Variants in RALA observed in about 807,000 individuals in gnomAD.
RALA encodes ras-related protein Ral-A.
In RALA, 5 loss-of-function variants were observed where a neutral mutation model predicts 24.0. The ratio of observed to expected loss-of-function variants is 0.21; its 90% CI spans 0.11 to 0.44. The LOEUF is 0.44. Among genes scored for constraint, RALA ranks in the 20% least tolerant of loss-of-function variants. The probability of loss-of-function intolerance (pLI) is 0.99; values close to 1 mark genes in which losing one functional copy is unlikely to be tolerated. For missense variants in RALA, 95 were observed against 241.2 expected (o/e 0.39, Z 4.01); for synonymous variants, 77 against 83.8 (o/e 0.92, Z 0.44).
Position 39,666,249 on chromosome 7 carries a change from G to C in RALA, c.-37-20382G>C, listed in dbSNP as rs114512523. Among the ~76,000 whole-genome samples, 1,180 of 152,216 alleles carry C rather than the reference G, an allele frequency of 7.8e-3. 21 individuals carry two copies. The highest frequency in any genetic ancestry group is 0.027 in the African/African-American group (1,121 of 41,528). On this transcript the variant is annotated intron_variant, in intron 1 of 4. Coordinates refer to ENST00000005257, the MANE Select transcript of RALA (RefSeq NM_005402.4). ...TACTGGGTGTCAGGGCCACAAAGGTGACATTTTCTGACTTTACTCTCTAAG... is the reference window on the plus strand; with the variant it reads ...TACTGGGTGTCAGGGCCACAAAGGTCACATTTTCTGACTTTACTCTCTAAG...
chr7:39,631,637 T>C (rs1191955991), intron 1 of RALA, among the ~76,000 whole-genome samples: 1 of 152,272 alleles, frequency 6.6e-6, no homozygotes, highest in African/African-American at 2.4e-5. Flanking sequence ...GTTTTCTTCA[T>C]ACAAGTTTTC....
At chr7:39,688,336 G>A (rs550077495) in intron 2 of RALA, among the ~76,000 whole-genome samples, 15 of 151,864 alleles carry the variant, frequency 9.9e-5, no homozygotes, top group Admixed American at 2.6e-4. Flanking sequence ...GGAGGTCACA[G>A]TGAGCAATGA....
intron 1 of RALA, among the ~76,000 whole-genome samples, chr7:39,644,959 G>A (rs528101394): frequency 6.6e-6 from 1 of 152,242 alleles, no homozygotes; most frequent in South Asian, 2.1e-4. Flanking sequence ...ATTTAATCAC[G>A]TGACAGATTT....
At chr7:39,624,679 A>G (rs1056955812) in intron 1 of RALA, among the ~76,000 whole-genome samples, 4 of 152,176 alleles carry the variant, frequency 2.6e-5, no homozygotes, top group African/African-American at 4.8e-5. Context: ...AGCTCATCCA[A>G]GTGTGGCTGA....
chr7:39,661,316 C>T (rs1341875881), intron 1 of RALA, among the ~76,000 whole-genome samples: 3 of 152,212 alleles, frequency 2.0e-5, no homozygotes, highest in African/African-American at 7.2e-5. Context: ...CCAATCATGC[C>T]TTCCCAACAG....
rs528273052 is a variant in RALA at position 39,630,446 on chromosome 7, T to TAA, written c.-38+6622_-38+6623insAA. ...GAATATTAACCGTTTAATTTTGACA[T>TAA]ATGTTGCAGATATTTTTGCTAGTCG... On this transcript the variant is annotated intron_variant, in intron 1 of 4. Transcript: ENST00000005257. Among the ~76,000 whole-genome samples the TAA allele has an allele frequency of 8.5e-5, 13 of 152,312 alleles. No individual in the cohort carries two copies. The East Asian group carries it at 1.7e-3, about 20-fold the overall frequency.
At chr7:39,668,933 G>A (rs1247701630) in intron 1 of RALA, among the ~76,000 whole-genome samples, 1 of 151,542 alleles carries the variant, frequency 6.6e-6, no homozygotes, top group Non-Finnish European at 1.5e-5. Context: ...GGCCGACATG[G>A]TGAAACCCCA....
chr7:39,703,605 A>T (rs1793066657), intron 4 of RALA, among the ~76,000 whole-genome samples: 1 of 152,230 alleles, frequency 6.6e-6, no homozygotes, highest in African/African-American at 2.4e-5. Flanking sequence ...CAGCCACAGC[A>T]TAGTTACATA....
chr7:39,656,994 G>C (rs746326072), intron 1 of RALA, among the ~76,000 whole-genome samples: 2 of 152,086 alleles, frequency 1.3e-5, no homozygotes, highest in Non-Finnish European at 2.9e-5. Flanking sequence ...TTGAGACGGA[G>C]TCTTGCTCGG....
chr7:39,703,134 A>G (rs946725943), intron 4 of RALA: 3 of 152,262 alleles, frequency 2.0e-5, no homozygotes, highest in African/African-American at 7.2e-5. Flanking sequence ...ACAAAATTCA[A>G]TTGAAAATAA....
chr7:39,628,029 C>T lies in RALA; in HGVS notation c.-38+4204C>T, dbSNP rs184561802. Among the ~76,000 whole-genome samples, 65 of 151,372 alleles carry T rather than the reference C, an allele frequency of 4.3e-4. No homozygotes were observed. In the East Asian group the frequency reaches 7.6e-3, roughly 18 times the overall value. ...AGCCTTATCTCTCTTCTTGGATGAT[C>T]TTTTGTTCTACCAATACCCAGCTTC... On this transcript the variant is annotated intron_variant, in intron 1 of 4. Transcript: ENST00000005257.
rs376132132 is a variant in RALA, at chr7:39,671,158, T to C, written c.-37-15473T>C. Among the ~76,000 whole-genome samples, 19 of 152,310 alleles carry C rather than the reference T, an allele frequency of 1.2e-4. No homozygotes were observed. The East Asian group carries it at 3.5e-3, about 28-fold the overall frequency. ...TTGACCTGTAGCCTTCCACCTGTTC[T>C]TCCTGCCTTCTGAGTCCCAGTCTCT... is the stretch of plus-strand genomic sequence containing the variant. On this transcript the variant is annotated intron_variant, in intron 1 of 4. Coordinates refer to ENST00000005257, the MANE Select transcript of RALA (RefSeq NM_005402.4).
At chr7:39,674,085 A>G (rs1792436969) in intron 1 of RALA, among the ~76,000 whole-genome samples, 1 of 149,198 alleles carries the variant, frequency 6.7e-6, no homozygotes, top group Non-Finnish European at 1.5e-5. Context: ...AAATAAATAA[A>G]TAAAAGGTTG....
At chr7:39,624,931 T>C (rs1791455062) in intron 1 of RALA, among the ~76,000 whole-genome samples, 1 of 152,264 alleles carries the variant, frequency 6.6e-6, no homozygotes, top group Non-Finnish European at 1.5e-5. Context: ...CATGTTTTTC[T>C]GTCTCTGGTA....
intron 1 of RALA, among the ~76,000 whole-genome samples, chr7:39,674,504 C>T (rs1236810583): frequency 6.6e-6 from 1 of 152,098 alleles, no homozygotes; most frequent in Non-Finnish European, 1.5e-5. Context: ...TTCTTTGCCC[C>T]ATATTCATGT....
At chr7:39,690,728 A>T in intron 3 of RALA, 138 bp downstream of exon 3, 2 of 663,164 alleles carry the variant, frequency 3.0e-6, no homozygotes, top group South Asian at 4.1e-5. Flanking sequence ...TTTTGATATC[A>T]GTATATGACT....
intron 1 of RALA, among the ~76,000 whole-genome samples, chr7:39,635,679 G>T (rs1483730164): frequency 6.6e-6 from 1 of 152,118 alleles, no homozygotes; most frequent in East Asian, 1.9e-4. Flanking sequence ...AAATCATCAG[G>T]CATTAGTTAG....
intron 1 of RALA, among the ~76,000 whole-genome samples, chr7:39,626,864 C>G (rs1176827531): frequency 6.6e-6 from 1 of 152,112 alleles, no homozygotes; most frequent in Non-Finnish European, 1.5e-5. Flanking sequence ...GTAAAAGAAG[C>G]AGAGATGTGC....
chr7:39,705,191 C>G (rs1054067137), intron 4 of RALA, among the ~76,000 whole-genome samples: 2 of 152,160 alleles, frequency 1.3e-5, no homozygotes, highest in Non-Finnish European at 2.9e-5. Context: ...AGGTAGCGCT[C>G]CATCTGCTAT....
Sources: allele counts gnomAD v4.1 joint callset (sites outside exome capture counted in the v4.1 genomes callset), GRCh38; gene constraint gnomAD v4.1.1; transcripts MANE v1.5; gene names NCBI Gene and HGNC (gene_info 2026-07-23, HGNC 2026-07-21).